RBM38: variants seen among roughly 807,000 people sequenced by gnomAD.
RBM38 encodes RNA binding motif protein 38.
RBM38 carries 11 observed loss-of-function variants against 23.5 expected under a neutral mutation model. The observed-to-expected ratio is 0.47, with a 90% confidence interval of 0.29 to 0.77. RBM38 has a LOEUF of 0.77. RBM38 is among the 30% of genes least tolerant of loss of function. RBM38 has a pLI of 0.08. For synonymous variants in RBM38, 165 were observed against 166.1 expected, an observed-to-expected ratio of 0.99 and a Z score of 0.05; for missense variants, 330 against 351.9, an observed-to-expected ratio of 0.94 and a Z score of 0.50.
intron 3 of RBM38, among the ~76,000 whole-genome samples, chr20:57,395,991 C>T (rs1244002062): frequency 6.6e-6 from 1 of 152,190 alleles, no homozygotes; most frequent in Non-Finnish European, 1.5e-5. Context: ...CTGAACTCTT[C>T]CTTGACTTTC....
chr20:57,404,169 T>C (rs1420407822), intron 3 of RBM38, among the ~76,000 whole-genome samples: 1 of 152,164 alleles, frequency 6.6e-6, no homozygotes, highest in Non-Finnish European at 1.5e-5. Flanking sequence ...GACGCAGCCC[T>C]CGAGGTGAGT....
rs1007161038 is a variant in RBM38 at position 57,398,297 on chromosome 20, C to T, written c.416+4964C>T. On this transcript the variant is annotated intron_variant, in intron 3 of 3. Transcript: ENST00000356208. Reference sequence around the variant, plus strand: ...GTGTACGCACGCACACGTGTGCGGGCGTGCTGGGGAAGGCTCCACTGAGGA... The same window carrying T: ...GTGTACGCACGCACACGTGTGCGGGTGTGCTGGGGAAGGCTCCACTGAGGA... 3.9e-5 allele frequency among the ~76,000 whole-genome samples: 6 copies of T among 152,090 alleles called. No homozygotes were observed. The South Asian group carries it at 8.3e-4, about 21-fold the overall frequency.
chr20:57,407,007 AAAAC>A lies in RBM38; in HGVS notation c.417-531_417-528del, dbSNP rs1156925913. 2.0e-5 allele frequency among the ~76,000 whole-genome samples: 3 copies of A among 150,292 alleles called. No individual in the cohort carries two copies. The highest frequency in any genetic ancestry group is 4.4e-5 in the Non-Finnish European group (3 of 67,830). On this transcript the variant is annotated intron_variant, in intron 3 of 3. Coordinates refer to ENST00000356208, the MANE Select transcript of RBM38 (RefSeq NM_017495.6). The surrounding 1 kb of genome is among the most constrained non-coding windows in gnomAD (Gnocchi z 4.0). ...AGACTCTGTCTCAAAAAAAAAAAAA[AAAAC>A]AAACCCTGTGAGGAGCAGGTGTTGG...
intron 3 of RBM38, 99 bp downstream of exon 3, chr20:57,393,432 T>C (rs2067241859): frequency 1.5e-6 from 2 of 1,296,452 alleles, no homozygotes; most frequent in Non-Finnish European, 1.1e-6. Context: ...AATGACAGTT[T>C]TCAGACATTT....
intron 1 of RBM38, 127 bp downstream of exon 1, chr20:57,391,945 G>A: frequency 1.7e-6 from 1 of 596,282 alleles, no homozygotes; most frequent in South Asian, 7.9e-5. Flanking sequence ...CCTCCAGCCG[G>A]CGCCCGCACC....
At chr20:57,397,471 G>A (rs2067285720) in intron 3 of RBM38, among the ~76,000 whole-genome samples, 1 of 152,224 alleles carries the variant, frequency 6.6e-6, no homozygotes, top group African/African-American at 2.4e-5. Flanking sequence ...TCCCAGGCAT[G>A]TGCCTGCCCC....
chr20:57,400,278 T>C (rs1220694802), intron 3 of RBM38, among the ~76,000 whole-genome samples: 2 of 152,188 alleles, frequency 1.3e-5, no homozygotes, highest in Non-Finnish European at 2.9e-5. Flanking sequence ...CTCTTGACTG[T>C]GTGCTGACCC....
chr20:57,403,243 C>T (rs898307045), intron 3 of RBM38, among the ~76,000 whole-genome samples: 1 of 152,220 alleles, frequency 6.6e-6, no homozygotes, highest in Non-Finnish European at 1.5e-5. Context: ...CTCTGTAGGA[C>T]CCAACTTACA....
intron 3 of RBM38, among the ~76,000 whole-genome samples, chr20:57,403,996 A>T (rs1464838896): frequency 6.6e-6 from 1 of 152,228 alleles, no homozygotes; most frequent in Non-Finnish European, 1.5e-5. Context: ...ACCGACATGC[A>T]GTGTCTGCAA....
intron 3 of RBM38, among the ~76,000 whole-genome samples, chr20:57,397,355 C>T (rs2067284561): frequency 6.6e-6 from 1 of 152,224 alleles, no homozygotes; most frequent in Admixed American, 6.5e-5. Flanking sequence ...GGCTGCGAGA[C>T]TCTTGTCCCT....
intron 3 of RBM38, among the ~76,000 whole-genome samples, chr20:57,402,750 C>T (rs976597576): frequency 6.6e-6 from 1 of 152,250 alleles, no homozygotes; most frequent in African/African-American, 2.4e-5. Flanking sequence ...CAGTGCAGGG[C>T]CGGTGGTTTG....
chr20:57,396,937 A>G (rs1468589406), intron 3 of RBM38, among the ~76,000 whole-genome samples: 1 of 152,240 alleles, frequency 6.6e-6, no homozygotes, highest in African/African-American at 2.4e-5. Context: ...CAGAGGCCAC[A>G]ACAGGCTTCC....
chr20:57,393,752 C>G (rs1019407121), intron 3 of RBM38, among the ~76,000 whole-genome samples: 1 of 152,188 alleles, frequency 6.6e-6, no homozygotes, highest in Admixed American at 6.5e-5. Flanking sequence ...CTCACCTGTT[C>G]TAGTGCTGGG....
chr20:57,398,502 G>A, intron 3 of RBM38, among the ~76,000 whole-genome samples: 1 of 152,182 alleles, frequency 6.6e-6, no homozygotes, highest in East Asian at 1.9e-4. Context: ...CAACACTGTG[G>A]CGTCACGTTT....
chr20:57,396,253 T>C (rs2067274198), intron 3 of RBM38, among the ~76,000 whole-genome samples: 1 of 152,230 alleles, frequency 6.6e-6, no homozygotes, highest in Non-Finnish European at 1.5e-5. Context: ...GTGGCCACTG[T>C]CCGCGGTTTG....
At chr20:57,393,065 C>T (rs1446849404) in intron 2 of RBM38, 7 of 643,830 alleles carry the variant, frequency 1.1e-5, no homozygotes, top group Admixed American at 2.8e-5. Flanking sequence ...TTGGGAGTGC[C>T]GACACCAGTG....
intron 3 of RBM38, among the ~76,000 whole-genome samples, chr20:57,400,444 A>C (rs1203193909): frequency 6.6e-6 from 1 of 152,098 alleles, no homozygotes; most frequent in Non-Finnish European, 1.5e-5. Flanking sequence ...CCCTCCCGGC[A>C]TGGCCTGGCC....
At position 57,393,322 on chromosome 20, in the gene RBM38, G is replaced by A. The variant is rs2067240462; in HGVS notation, c.405G>A (p.Gln135=). 3 of 1,613,876 alleles carry A rather than the reference G, an allele frequency of 1.9e-6. No homozygotes were observed. The East Asian group carries it at 6.7e-5, about 36-fold the overall frequency. Residue 135 remains glutamine (Q), a synonymous_variant, in exon 3 of 4, where the codon CAG becomes CAA. Coordinates refer to ENST00000356208, the MANE Select transcript of RBM38 (RefSeq NM_017495.6). ...GVQQLHPTLI[Q]RTYGLTPHYI... ...AGCAGCTGCACCCCACCTTGATCCAGCGGACTTACGGGTGAGTGGACATGG... is the reference window on the plus strand; with the variant it reads ...AGCAGCTGCACCCCACCTTGATCCAACGGACTTACGGGTGAGTGGACATGG...
At chr20:57,397,204 A>G (rs2146207390) in intron 3 of RBM38, among the ~76,000 whole-genome samples, 1 of 152,226 alleles carries the variant, frequency 6.6e-6, no homozygotes, top group East Asian at 1.9e-4. Flanking sequence ...GGCCCTGGGA[A>G]GTCACGGTTT....
Sources: gnomAD v4.1 joint callset for allele counts (sites outside exome capture counted in the v4.1 genomes callset) on GRCh38, gnomAD v4.1.1 for gene constraint, Gnocchi (gnomAD v3.1) non-coding constraint, MANE v1.5 for transcripts, NCBI Gene and HGNC (gene_info 2026-07-23, HGNC 2026-07-21) for gene names.